Variants in CDH13 observed in about 807,000 individuals in gnomAD.
CDH13 encodes the protein cadherin-13.
A neutral mutation model predicts 63.8 loss-of-function variants in CDH13; 24 were observed. That is an observed-to-expected ratio of 0.38 (90% CI 0.27 to 0.53). The LOEUF (loss-of-function observed/expected upper bound fraction) is 0.53, where lower values mean the gene tolerates loss of function less well. CDH13 is among the 20% of genes least tolerant of loss of function. CDH13 has a pLI of 0.85. For missense variants in CDH13, 1,049 were observed against 903.1 expected, an observed-to-expected ratio of 1.16 and a Z score of -2.07; for synonymous variants, 503 against 355.3, an observed-to-expected ratio of 1.42 and a Z score of -4.67.
chr16:82,997,668 A>G (rs1912397715), intron 2 of CDH13, among the ~76,000 whole-genome samples: 1 of 152,198 alleles, frequency 6.6e-6, no homozygotes. Context: ...AATACTGGGC[A>G]CAAGAGATTT....
chr16:83,181,736 T>C (rs1487104585), intron 4 of CDH13, among the ~76,000 whole-genome samples: 1 of 152,110 alleles, frequency 6.6e-6, no homozygotes, highest in African/African-American at 2.4e-5. Flanking sequence ...CTGGATGGAC[T>C]TGAGGGAGTC....
intron 4 of CDH13, among the ~76,000 whole-genome samples, chr16:83,205,878 T>C (rs4782752): frequency 0.95 from 144,272 of 152,214 alleles, 68,634 homozygotes; most frequent in Non-Finnish European, 0.99. Context: ...GTTAGGATTA[T>C]AGGTGTGAGC....
intron 7 of CDH13, among the ~76,000 whole-genome samples, chr16:83,537,201 C>A (rs1026346739): frequency 2.6e-5 from 4 of 152,170 alleles, no homozygotes; most frequent in Admixed American, 1.3e-4. Flanking sequence ...GCTCTATCTA[C>A]AAAGAAGGTA....
intron 6 of CDH13, among the ~76,000 whole-genome samples, chr16:83,454,749 C>T (rs569508477): frequency 3.3e-5 from 5 of 151,962 alleles, no homozygotes; most frequent in Non-Finnish European, 1.5e-5. Context: ...TGCTATTACA[C>T]AGGCAGGATT....
chr16:83,058,157 T>TTACG (rs1415173670), intron 3 of CDH13, among the ~76,000 whole-genome samples: 11 of 152,164 alleles, frequency 7.2e-5, no homozygotes, highest in Admixed American at 7.2e-4. Flanking sequence ...ACTTCATGAG[T>TTACG]TACGTCTTTT....
intron 5 of CDH13, among the ~76,000 whole-genome samples, chr16:83,262,294 G>T (rs142378202): frequency 1.2e-4 from 19 of 152,302 alleles, no homozygotes; most frequent in South Asian, 1.0e-3. Context: ...TTGCCCATGG[G>T]GGGAGGACAT....
chr16:83,662,631 A>G (rs1262884448), intron 8 of CDH13, among the ~76,000 whole-genome samples: 1 of 152,152 alleles, frequency 6.6e-6, no homozygotes, highest in Non-Finnish European at 1.5e-5. Context: ...ATCCTATTGT[A>G]CATGCTTTTA....
chr16:83,529,984 A>G (rs1370189281), intron 7 of CDH13, among the ~76,000 whole-genome samples: 1 of 152,168 alleles, frequency 6.6e-6, no homozygotes, highest in African/African-American at 2.4e-5. Context: ...GGGTCGGGTA[A>G]GAATCTAGTG....
chr16:83,466,349 A>G (rs2325834), intron 6 of CDH13, among the ~76,000 whole-genome samples: 80,709 of 151,908 alleles, frequency 0.53, 21,800 homozygotes, highest in East Asian at 0.83. Flanking sequence ...ACATCCAGGC[A>G]AGAGAGTCTA....
intron 10 of CDH13, chr16:83,721,274 G>C (rs1188522185): frequency 6.6e-6 from 1 of 152,206 alleles, no homozygotes; most frequent in Non-Finnish European, 1.5e-5. Flanking sequence ...CAGTGGATTG[G>C]AGAATTGAGT....
chr16:83,570,429 C>T (rs866802557), intron 7 of CDH13, among the ~76,000 whole-genome samples: 1 of 152,090 alleles, frequency 6.6e-6, no homozygotes, highest in Non-Finnish European at 1.5e-5. Flanking sequence ...CCATTTAACC[C>T]AACCCTTTCT....
At chr16:83,478,614 G>C (rs1285609226) in intron 6 of CDH13, among the ~76,000 whole-genome samples, 4 of 152,138 alleles carry the variant, frequency 2.6e-5, no homozygotes, top group African/African-American at 4.8e-5. Flanking sequence ...AAGGAGCAAG[G>C]GTTACAAAGC....
At chr16:83,183,848 A>C (rs190748573) in intron 4 of CDH13, among the ~76,000 whole-genome samples, 125 of 152,264 alleles carry the variant, frequency 8.2e-4, no homozygotes, top group African/African-American at 2.9e-3. Flanking sequence ...AATAAAATCT[A>C]ATTTAAAAAT....
At chr16:83,304,706 A>G (rs1301047956) in intron 5 of CDH13, among the ~76,000 whole-genome samples, 3 of 152,180 alleles carry the variant, frequency 2.0e-5, no homozygotes, top group Non-Finnish European at 4.4e-5. Flanking sequence ...TGTGGATGAG[A>G]TATTTATAAG....
Position 82,972,588 on chromosome 16 carries a change from T to G in CDH13, c.158-59422T>G, listed in dbSNP as rs112104380. On this transcript the variant is annotated intron_variant, in intron 2 of 13. Transcript: ENST00000567109. Reference sequence around the variant, plus strand: ...CAGTAGTAACAGCACTTCCATCCTATGGTAGCTGGGACGGAAAATGCATAA... The same window carrying G: ...CAGTAGTAACAGCACTTCCATCCTAGGGTAGCTGGGACGGAAAATGCATAA... Among the ~76,000 whole-genome samples, 601 of 152,262 alleles carry G rather than the reference T, an allele frequency of 3.9e-3. 8 individuals are homozygous for G. Among genetic ancestry groups the G allele is most frequent in the African/African-American group, 0.014 (576 of 41,556 alleles).
intron 2 of CDH13, among the ~76,000 whole-genome samples, chr16:82,889,115 C>A (rs1962877549): frequency 6.6e-6 from 1 of 152,176 alleles, no homozygotes; most frequent in South Asian, 2.1e-4. Flanking sequence ...TCCCCTTAAC[C>A]TTATTTTCAA....
At chr16:83,557,093 C>T (rs1202901328) in intron 7 of CDH13, among the ~76,000 whole-genome samples, 1 of 152,186 alleles carries the variant, frequency 6.6e-6, no homozygotes, top group Non-Finnish European at 1.5e-5. Context: ...TGAGCTCCTC[C>T]TCCTGTCAGA....
intron 1 of CDH13, among the ~76,000 whole-genome samples, chr16:82,666,922 T>C (rs16958056): frequency 0.037 from 5,704 of 152,212 alleles, 300 homozygotes; most frequent in African/African-American, 0.12. Flanking sequence ...AGAGAAATGA[T>C]GTAAAATGCA....
At chr16:82,663,580 C>T (rs1445228519) in intron 1 of CDH13, among the ~76,000 whole-genome samples, 1 of 152,230 alleles carries the variant, frequency 6.6e-6, no homozygotes, top group Non-Finnish European at 1.5e-5. Context: ...CTGTCTTTGT[C>T]AGATTTATCA....
Sources: gnomAD v4.1 joint callset for allele counts (sites outside exome capture counted in the v4.1 genomes callset) on GRCh38, gnomAD v4.1.1 for gene constraint, MANE v1.5 for transcripts, NCBI Gene and HGNC (gene_info 2026-07-23, HGNC 2026-07-21) for gene names.